Variants in NEB observed in about 807,000 individuals in gnomAD.
NEB encodes the protein nebulin, also known as nemaline myopathy type 2.
Under a neutral mutation model 952.2 loss-of-function variants are expected in NEB, and 512 were observed. The ratio of observed to expected loss-of-function variants is 0.54; its 90% confidence interval spans 0.50 to 0.58. The LOEUF (loss-of-function observed/expected upper bound fraction) is 0.58, where lower values mean the gene tolerates loss of function less well. Ranked by LOEUF, NEB falls within the 20% of genes least tolerant of loss-of-function variation. The pLI is 0.00. For synonymous variants in NEB, 2,900 were observed against 3,149.8 expected, an observed-to-expected ratio of 0.92 and a Z score of 2.66; for missense variants, 8,428 against 9,231.1, an observed-to-expected ratio of 0.91 and a Z score of 3.56.
Position 151,512,905 on chromosome 2 carries a change from A to T in NEB, c.23242-68T>A. On this transcript the variant is annotated intron_variant, in intron 160 of 181. Coordinates refer to ENST00000397345, the MANE Select transcript of NEB (RefSeq NM_001164508.2). ...GCACAACAGTTGTTGGCTTGATTTGATTAAGAGGTGAGCCATATTTCTTTT... is the reference window on the plus strand; with the variant it reads ...GCACAACAGTTGTTGGCTTGATTTGTTTAAGAGGTGAGCCATATTTCTTTT... The T allele has an allele frequency of 2.9e-6, 3 of 1,032,200 alleles. No homozygotes were observed. In the Admixed American group the frequency reaches 6.0e-5, roughly 21 times the overall value. 63.9% of individuals were successfully genotyped at this position (1,032,200 alleles called of 1,614,324 possible).
At position 151,618,328 on chromosome 2, in the gene NEB, T is replaced by A. The variant is rs771318349; in HGVS notation, c.11023A>T (p.Thr3675Ser). 1 of 1,613,886 alleles carries A rather than the reference T, an allele frequency of 6.2e-7. No homozygotes were observed. Among genetic ancestry groups the A allele is most frequent in the African/African-American group, 1.3e-5 (1 of 74,928 alleles). Residue 3675 changes from threonine (T) to serine (S), a missense_variant, in exon 74 of 182, where the codon ACG becomes TCG. Coordinates refer to ENST00000397345, the MANE Select transcript of NEB (RefSeq NM_001164508.2). ...GCCAGCACCTGCTCCGGAGTGTCCG[T>A]TATACTGGTAAATTTCAGCGTTTCT... Reference protein sequence around the residue: ...RPETLKFTSITDTPEQVLAKN... With the variant: ...RPETLKFTSISDTPEQVLAKN...
At chr2:151,518,215 T>C (rs1559467216) in intron 156 of NEB, 103 bp downstream of exon 156, 1 of 850,830 alleles carries the variant, frequency 1.2e-6, no homozygotes, top group South Asian at 1.4e-5. Flanking sequence ...CCTTATATCT[T>C]TGTGCATTTT....
In NEB at chr2:151,663,670, C is replaced by T. The variant is rs547507758; in HGVS notation, c.5641G>A (p.Ala1881Thr). ...GTGGCCACTTCCTGAGACTTCTTGG[C>T]TGCCACCACACTGAGCATGTCCACC... ...TPVDMLSVVAAKKSQEVATNA... is the reference protein window; with the variant it reads ...TPVDMLSVVATKKSQEVATNA... The change falls in exon 45 of 182, where the codon GCC (alanine) becomes ACC (threonine). Residue 1881 changes from alanine to threonine, a missense_variant. This residue lies in a region of NEB where 2,851 missense variants were observed against 2,791.5 expected (regional missense o/e 1.02). Transcript: ENST00000397345. The T allele has an allele frequency of 7.4e-6, 12 of 1,613,784 alleles. No homozygotes were observed. The African/African-American group carries it at 1.6e-4, about 22-fold the overall frequency.
rs749842408 is a variant in NEB, at chr2:151,546,014, A to AAC, written c.20467-17_20467-16insGT. The AAC allele has an allele frequency of 1.6e-5, 23 of 1,418,188 alleles. No homozygotes were observed. The South Asian group carries it at 1.9e-4, about 11-fold the overall frequency. The allele number at this position is 1,418,188 out of a possible 1,614,324, so 87.9% of individuals were successfully genotyped here. A position where few individuals can be genotyped will look rare whatever the true frequency, so the allele number is the denominator to read the frequency against. On this transcript the variant is annotated splice_polypyrimidine_tract_variant and intron_variant, in intron 134 of 181. Coordinates refer to ENST00000397345, the MANE Select transcript of NEB (RefSeq NM_001164508.2). ...GGTAATTAGACTTAAAAAAAAAAAA[A>AAC]AAAACAGAAATACAAGTTGATTAAT...
At chr2:151,700,761 T>G (rs1378882697) in intron 13 of NEB, among the ~76,000 whole-genome samples, 8 of 135,194 alleles carry the variant, frequency 5.9e-5, no homozygotes, top group East Asian at 2.1e-4. Context: ...AAGGAGATTT[T>G]GGGCTGAGAC....
chr2:151,693,236 T>C (rs940770697), intron 20 of NEB, among the ~76,000 whole-genome samples: 8 of 152,212 alleles, frequency 5.3e-5, no homozygotes, highest in Non-Finnish European at 4.4e-5. Context: ...TGAAGAGTTT[T>C]ATCTTATTTT....
rs375292986 is a variant in NEB, at chr2:151,663,973, T to G, written c.5452-114A>C. ...AAGGGTTTTAGAGCTACTCTAAAAT[T>G]GGAAGGGAGGCACTCGTGAGAGGGA... On this transcript the variant is annotated intron_variant, in intron 44 of 181. Coordinates refer to ENST00000397345, the MANE Select transcript of NEB (RefSeq NM_001164508.2). 50 of 1,081,222 alleles carry G rather than the reference T, an allele frequency of 4.6e-5. No individual in the cohort carries two copies. In the African/African-American group the frequency reaches 6.8e-4, roughly 15 times the overall value. The allele number at this position is 1,081,222 out of a possible 1,614,324, so 67.0% of individuals were successfully genotyped here. A position where few individuals can be genotyped will look rare whatever the true frequency, so the allele number is the denominator to read the frequency against.
Position 151,695,631 on chromosome 2 carries a change from G to T in NEB, c.1621C>A (p.Pro541Thr), listed in dbSNP as rs1324280943. 1.2e-6 allele frequency: 2 copies of T among 1,613,938 alleles called. No individual in the cohort carries two copies. Among genetic ancestry groups the T allele is most frequent in the Non-Finnish European group, 1.7e-6 (2 of 1,179,860 alleles). ...TGCTGGATAAAAGCAGGAGTATCAGGGGGGATATGGCACTTGAACTTTTCA... is the reference window on the plus strand; with the variant it reads ...TGCTGGATAAAAGCAGGAGTATCAGTGGGGATATGGCACTTGAACTTTTCA... ...ESEKFKCHIP[P>T]DTPAFIQHKV... Residue 541 changes from proline to threonine, a missense_variant, in exon 18 of 182, where the codon CCT becomes ACT. By Grantham distance (38) the Pro-to-Thr change is conservative (BLOSUM62 -1). Transcript: ENST00000397345.
At chr2:151,487,626 G>A (rs1402465565) in intron 181 of NEB, among the ~76,000 whole-genome samples, 1 of 151,944 alleles carries the variant, frequency 6.6e-6, no homozygotes, top group Non-Finnish European at 1.5e-5. Flanking sequence ...TGGACATTTA[G>A]TTGTCACCAT....
intron 78 of NEB, among the ~76,000 whole-genome samples, chr2:151,611,627 A>G (rs1483007698): frequency 1.3e-5 from 2 of 152,230 alleles, no homozygotes; most frequent in African/African-American, 4.8e-5. Flanking sequence ...TTGGATAAAA[A>G]TAGATTGATA....
In NEB at chr2:151,697,397, C is replaced by A. The variant is rs767987110; in HGVS notation, c.1318G>T (p.Asp440Tyr). Residue 440 changes from aspartate (D) to tyrosine (Y), a missense_variant, in exon 15 of 182, where the codon GAT (aspartate) becomes TAT (tyrosine). Asp to Tyr is a radical substitution (Grantham distance 160). This residue lies in a region of NEB where 2,851 missense variants were observed against 2,791.5 expected (regional missense o/e 1.02). Coordinates refer to ENST00000397345, the MANE Select transcript of NEB (RefSeq NM_001164508.2). ...ILGHYVGSFE[D>Y]PYHSHCMKVT... ...TTCATGCAGTGTGAATGGTATGGAT[C>A]CTCGAAGCTGCCTACATAATGTCCC... 1 of 1,613,956 alleles carries A rather than the reference C, an allele frequency of 6.2e-7. No homozygotes were observed. Among genetic ancestry groups the A allele is most frequent in the Non-Finnish European group, 8.5e-7 (1 of 1,179,862 alleles).
intron 39 of NEB, among the ~76,000 whole-genome samples, chr2:151,668,762 G>A (rs1159828725): frequency 6.6e-6 from 1 of 151,916 alleles, no homozygotes; most frequent in African/African-American, 2.4e-5. Flanking sequence ...TCTGTCTCAT[G>A]TTCCATTTTT....
Position 151,617,488 on chromosome 2 carries a change from AGAGAG to A in NEB, c.11077-25_11077-21del, listed in dbSNP as rs1423703238. On this transcript the variant is annotated intron_variant, in intron 74 of 181. Coordinates refer to ENST00000397345, the MANE Select transcript of NEB (RefSeq NM_001164508.2). ...TAAGCGCTACAAAAAAAAAAAAAAAAGAGAGAGAGAGAGAGAAAAATTATTTTGGT... is the reference window on the plus strand; with the variant it reads ...TAAGCGCTACAAAAAAAAAAAAAAAAAGAGAGAGAGAAAAATTATTTTGGT... 2.2e-5 allele frequency: 27 copies of A among 1,204,930 alleles called. No individual in the cohort carries two copies. The highest frequency in any genetic ancestry group is 2.9e-5 in the Non-Finnish European group (25 of 877,120). The allele number at this position is 1,204,930 out of a possible 1,614,324, so 74.6% of individuals were successfully genotyped here.
chr2:151,507,638 C>T lies in NEB; in HGVS notation c.23451+367G>A. ...TTCCGCATCTCTATCCATAAAAATA[C>T]ACATATTTCCCTGTTTCTTTGGGTA... is the stretch of plus-strand genomic sequence containing the variant. On this transcript the variant is annotated intron_variant, in intron 162 of 181. Coordinates refer to ENST00000397345, the MANE Select transcript of NEB (RefSeq NM_001164508.2). The T allele has an allele frequency of 1.4e-5, 3 of 218,466 alleles. No homozygotes were observed. In the South Asian group the frequency reaches 2.7e-4, roughly 20 times the overall value. 13.5% of individuals were successfully genotyped at this position (218,466 alleles called of 1,614,324 possible).
chr2:151,535,322 C>T (rs1248467101), intron 142 of NEB, among the ~76,000 whole-genome samples: 2 of 151,542 alleles, frequency 1.3e-5, no homozygotes, highest in Admixed American at 1.3e-4. Context: ...TAACCTTGAA[C>T]TTCTGTGTCT....
At chr2:151,630,267 AC>A (rs1421872571) in intron 67 of NEB, among the ~76,000 whole-genome samples, 1 of 152,184 alleles carries the variant, frequency 6.6e-6, no homozygotes, top group Non-Finnish European at 1.5e-5. Context: ...GATAGAGAAC[AC>A]TTCTTCCTTA....
rs920886411 is a variant in NEB, at chr2:151,514,526, G to A, written c.23017-98C>T. 10 of 975,480 alleles carry A rather than the reference G, an allele frequency of 1.0e-5. No homozygotes were observed. In the African/African-American group the frequency reaches 1.6e-4, roughly 16 times the overall value. The allele number at this position is 975,480 out of a possible 1,614,324, so 60.4% of individuals were successfully genotyped here. Reference sequence around the variant, plus strand: ...AAAAAACAATTCCAATTTTTAAAGGGTTCACAGTTTAGTAAGTAAAAATAT... The same window carrying A: ...AAAAAACAATTCCAATTTTTAAAGGATTCACAGTTTAGTAAGTAAAAATAT... On this transcript the variant is annotated intron_variant, in intron 158 of 181. Transcript: ENST00000397345.
At chr2:151,536,384 T>C (rs1164672306) in intron 141 of NEB, among the ~76,000 whole-genome samples, 1 of 152,222 alleles carries the variant, frequency 6.6e-6, no homozygotes, top group Non-Finnish European at 1.5e-5. Flanking sequence ...GTCTAGTTTA[T>C]TTCTATATAT....
intron 166 of NEB, 45 bp from the exon 167 acceptor site, chr2:151,502,930 C>CAGAGA (rs1298451847): frequency 3.3e-6 from 4 of 1,213,174 alleles, no homozygotes; most frequent in Non-Finnish European, 4.8e-6. Flanking sequence ...AAAACAGGCA[C>CAGAGA]AGAGAGTAAG....
Sources: gnomAD v4.1 joint callset for allele counts (sites outside exome capture counted in the v4.1 genomes callset) on GRCh38, gnomAD v4.1.1 for gene constraint, gnomAD v4.1.1 regional missense constraint, MANE v1.5 for transcripts, NCBI Gene and HGNC (gene_info 2026-07-23, HGNC 2026-07-21) for gene names.